PSMA1: variants seen among roughly 807,000 people sequenced by gnomAD.
PSMA1 encodes the protein proteasome 20S subunit alpha 1.
In PSMA1, 3 loss-of-function variants were observed where a neutral mutation model predicts 38.4. The observed-to-expected ratio is 0.08, with a 90% CI of 0.04 to 0.20. The LOEUF (loss-of-function observed/expected upper bound fraction) is 0.20, where lower values mean the gene tolerates loss of function less well. Ranked by LOEUF, PSMA1 falls within the 10% of genes least tolerant of loss-of-function variation. PSMA1 has a pLI of 1.00. For synonymous variants in PSMA1, 101 were observed against 107.1 expected, an observed-to-expected ratio of 0.94 and a Z score of 0.35; for missense variants, 227 against 325.3, an observed-to-expected ratio of 0.70 and a Z score of 2.32.
intron 1 of PSMA1, among the ~76,000 whole-genome samples, chr11:14,617,251 CT>C (rs1194122347): frequency 1.3e-5 from 2 of 152,180 alleles, no homozygotes; most frequent in African/African-American, 4.8e-5. Flanking sequence ...TCTTCTCCAT[CT>C]GGAAGGAAAC....
chr11:14,590,761 G>T (rs927081425), intron 2 of PSMA1, among the ~76,000 whole-genome samples: 3 of 152,170 alleles, frequency 2.0e-5, no homozygotes, highest in Admixed American at 6.5e-5. Context: ...CTACACAAAC[G>T]CAAGATCAAA....
chr11:14,506,851 A>C (rs1851252097), intron 9 of PSMA1, among the ~76,000 whole-genome samples: 1 of 152,230 alleles, frequency 6.6e-6, no homozygotes, highest in Non-Finnish European at 1.5e-5. Context: ...CTGCTGAAGA[A>C]GCGGCCCTGA....
intron 4 of PSMA1, 84 bp from the exon 5 acceptor site, chr11:14,514,575 C>A: frequency 9.3e-7 from 1 of 1,075,632 alleles, no homozygotes; most frequent in Non-Finnish European, 1.3e-6. Context: ...ACTTCAAATT[C>A]TTCCAAGCGT....
At chr11:14,605,013 A>G (rs561100614) in intron 2 of PSMA1, among the ~76,000 whole-genome samples, 1 of 152,362 alleles carries the variant, frequency 6.6e-6, no homozygotes, top group South Asian at 2.1e-4. Flanking sequence ...TGTGATGAAC[A>G]TGAGAATACA....
chr11:14,633,070 C>T (rs1474926642), intron 1 of PSMA1, among the ~76,000 whole-genome samples: 3 of 141,238 alleles, frequency 2.1e-5, no homozygotes, highest in Non-Finnish European at 4.7e-5. Flanking sequence ...AACTTCTTTG[C>T]CTTTGGTTTG....
intron 1 of PSMA1, among the ~76,000 whole-genome samples, chr11:14,519,600 A>C (rs1851492738): frequency 6.6e-6 from 1 of 152,186 alleles, no homozygotes; most frequent in South Asian, 2.1e-4. Flanking sequence ...AATGAACAAA[A>C]ATGTCCTCAC....
chr11:14,575,411 AC>A (rs1402494952), intron 2 of PSMA1, among the ~76,000 whole-genome samples: 1 of 147,046 alleles, frequency 6.8e-6, no homozygotes, highest in Non-Finnish European at 1.5e-5. Flanking sequence ...CCTCCCCCCT[AC>A]CCCCACCCCA....
At chr11:14,553,037 C>T (rs1851903996) in intron 2 of PSMA1, among the ~76,000 whole-genome samples, 1 of 152,066 alleles carries the variant, frequency 6.6e-6, no homozygotes, top group South Asian at 2.1e-4. Context: ...GTTGCCCAGG[C>T]TGATCTCGAA....
At chr11:14,507,548 A>C in intron 9 of PSMA1, 108 bp downstream of exon 9, 28 of 730,016 alleles carry the variant, frequency 3.8e-5, no homozygotes, top group Non-Finnish European at 5.0e-5. Flanking sequence ...CATTTGAATT[A>C]TGGGCCCATT....
At chr11:14,514,013 T>C (rs970965863) in intron 5 of PSMA1, 126 bp from the exon 6 acceptor site, 6 of 1,369,728 alleles carry the variant, frequency 4.4e-6, no homozygotes, top group Non-Finnish European at 4.7e-6. Context: ...AGAGAAATAA[T>C]GCAATAGGAC....
intron 2 of PSMA1, among the ~76,000 whole-genome samples, chr11:14,590,120 CT>C (rs1162470903): frequency 6.6e-6 from 1 of 152,144 alleles, no homozygotes; most frequent in Non-Finnish European, 1.5e-5. Flanking sequence ...TATGATTCTA[CT>C]CATATGAGGT....
intron 2 of PSMA1, among the ~76,000 whole-genome samples, chr11:14,593,650 G>C (rs1040479197): frequency 1.3e-5 from 2 of 151,206 alleles, no homozygotes; most frequent in Non-Finnish European, 2.9e-5. Flanking sequence ...GAGAGAGAGA[G>C]AGAGAGAGAG....
At chr11:14,620,719 C>T (rs1291234834) in intron 1 of PSMA1, among the ~76,000 whole-genome samples, 4 of 152,174 alleles carry the variant, frequency 2.6e-5, no homozygotes, top group African/African-American at 9.7e-5. Context: ...AGTGGCTCAA[C>T]TTTTTTTGTA....
intron 2 of PSMA1, among the ~76,000 whole-genome samples, chr11:14,544,394 C>G (rs890696622): frequency 2.0e-5 from 3 of 151,540 alleles, no homozygotes; most frequent in Non-Finnish European, 4.4e-5. Context: ...AGGCAGCCCA[C>G]AGAATGGAAA....
intron 1 of PSMA1, among the ~76,000 whole-genome samples, chr11:14,638,547 A>C (rs7131466): frequency 0.058 from 661 of 11,340 alleles, 13 homozygotes; most frequent in African/African-American, 0.1. Flanking sequence ...CTCTCTCTCT[A>C]TATATATATA....
rs574750110 is a variant in PSMA1, at chr11:14,557,800, A to G, written c.22-38759T>C. 2.6e-5 allele frequency among the ~76,000 whole-genome samples: 4 copies of G among 152,284 alleles called. No homozygotes were observed. In the East Asian group the frequency reaches 7.7e-4, roughly 29 times the overall value. ...AGAAGAGCAGTCATTTGACAATAGT[A>G]TGTTGGGAAGAAGATCTGGGGATCT... On this transcript the variant is annotated intron_variant, in intron 2 of 10. Transcript: ENST00000418988.
chr11:14,525,637 T>C (rs1453739191), intron 2 of PSMA1, among the ~76,000 whole-genome samples: 2 of 152,188 alleles, frequency 1.3e-5, no homozygotes, highest in African/African-American at 2.4e-5. Context: ...ATCCACCCTG[T>C]AGTGCGCAAC....
At chr11:14,539,672 C>G (rs988932195) in intron 2 of PSMA1, among the ~76,000 whole-genome samples, 2 of 151,946 alleles carry the variant, frequency 1.3e-5, no homozygotes, top group Non-Finnish European at 2.9e-5. Flanking sequence ...GGTGAAACCC[C>G]GTCTCTACTA....
intron 1 of PSMA1, among the ~76,000 whole-genome samples, chr11:14,631,531 T>TA (rs1853011077): frequency 1.3e-5 from 2 of 152,114 alleles, no homozygotes; most frequent in Non-Finnish European, 2.9e-5. Context: ...GTCTGAGAGA[T>TA]AGTTTGCTAT....
Sources: gnomAD v4.1 joint callset for allele counts (sites outside exome capture counted in the v4.1 genomes callset) on GRCh38, gnomAD v4.1.1 for gene constraint, MANE v1.5 for transcripts, NCBI Gene and HGNC (gene_info 2026-07-23, HGNC 2026-07-21) for gene names.